The following SNURF variants were observed in gnomAD, a reference collection of about 807,000 sequenced individuals.
The protein encoded by SNURF is SNRPN upstream open reading frame.
In SNURF, 6 loss-of-function variants were observed where a neutral mutation model predicts 11.6. The ratio of observed to expected loss-of-function variants is 0.52; its 90% confidence interval spans 0.28 to 1.02. The LOEUF (loss-of-function observed/expected upper bound fraction) is 1.02, where lower values mean the gene tolerates loss of function less well. Ranked by LOEUF, SNURF falls within the 50% of genes least tolerant of loss-of-function variation. The pLI is 0.09. For missense variants in SNURF, 84 were observed against 88.4 expected (o/e 0.95, Z 0.20); for synonymous variants, 29 against 31.6 (o/e 0.92, Z 0.27).
At chr15:24,978,033 A>T, downstream of SNURF, 1 of 1,221,536 alleles carries the variant, frequency 8.2e-7, no homozygotes, top group Non-Finnish European at 1.2e-6. Flanking sequence ...TCTTCTAGAT[A>T]CTGGTTTTTA....
At chr15:24,967,955 C>T (rs1309187895) in exon 3 of SNURF, 2 of 1,613,896 alleles carry the variant, frequency 1.2e-6, no homozygotes, top group Non-Finnish European at 1.7e-6. Context: ...CCGAGGCGTT[C>T]TCAGCAGCAG....
In SNURF at chr15:24,962,217, C is replaced by T. The variant is rs371808119; in HGVS notation, c.110+8C>T. 6.2e-7 allele frequency: 1 copy of T among 1,610,046 alleles called. No individual in the cohort carries two copies. The highest frequency in any genetic ancestry group is 8.5e-7 in the Non-Finnish European group (1 of 1,176,542). ...CTCACTGAGCAACCAAGAGTGAGTA[C>T]AGACTGTGTTGGGAACAAATGCAAG... On this transcript the variant is annotated splice_region_variant and intron_variant, in intron 2 of 2. Transcript: ENST00000577949.
At chr15:24,957,693 A>G (rs2063156336) in intron 1 of SNURF, among the ~76,000 whole-genome samples, 2 of 152,224 alleles carry the variant, frequency 1.3e-5, no homozygotes, top group Admixed American at 6.5e-5. Flanking sequence ...GTAGTTTTAA[A>G]AATAGCAGGA....
chr15:24,957,052 A>G (rs551232634), intron 1 of SNURF, among the ~76,000 whole-genome samples: 1 of 152,208 alleles, frequency 6.6e-6, no homozygotes, highest in Admixed American at 6.5e-5. Flanking sequence ...ATTGTGCGCT[A>G]ATTCTCTATT....
downstream of SNURF, chr15:24,978,109 ATTTC>A: frequency 7.0e-7 from 1 of 1,428,964 alleles, no homozygotes; most frequent in Non-Finnish European, 9.7e-7. Context: ...TGTCTGGCCC[ATTTC>A]TTTAGGGATT....
downstream of SNURF, among the ~76,000 whole-genome samples, chr15:24,970,337 G>C (rs375478460): frequency 3.3e-5 from 5 of 152,092 alleles, no homozygotes; most frequent in East Asian, 7.7e-4. Context: ...CCTAGCACTT[G>C]GGGAGGCTGA....
downstream of SNURF, chr15:24,978,159 A>G (rs767517222): frequency 3.8e-6 from 6 of 1,599,768 alleles, no homozygotes; most frequent in Middle Eastern, 1.8e-4. Context: ...AAGCCATTTT[A>G]TGAGGCCTTT....
At chr15:24,974,491 G>A in intron 3 of SNURF, 5 of 1,607,888 alleles carry the variant, frequency 3.1e-6, no homozygotes, top group Non-Finnish European at 4.3e-6. Context: ...GTTGAAATGT[G>A]CTGTAAGGGC....
chr15:24,962,014 A>C (rs1341165193), intron 1 of SNURF, 100 bp from the exon 2 acceptor site: 29 of 1,013,578 alleles, frequency 2.9e-5, no homozygotes, highest in Non-Finnish European at 4.2e-5. Flanking sequence ...AGATTTAAAA[A>C]TCCATTATAT....
Position 24,975,308 on chromosome 15 carries a change from A to G in SNURF, c.*46-50A>G, listed in dbSNP as rs753758577. ...GGAGAAGAAACAGGAGAAGATTAGA[A>G]GACTAGGGTGTTGGCAAGCTGAACA... On this transcript the variant is annotated intron_variant and NMD_transcript_variant, in intron 3 of 6. Transcript: ENST00000580062. 4 of 1,509,410 alleles carry G rather than the reference A, an allele frequency of 2.7e-6. No homozygotes were observed. The Admixed American group carries it at 5.2e-5, about 19-fold the overall frequency. 93.5% of individuals were successfully genotyped at this position (1,509,410 alleles called of 1,614,324 possible).
chr15:24,962,436 G>T (rs1192909913), intron 2 of SNURF, among the ~76,000 whole-genome samples: 2 of 152,112 alleles, frequency 1.3e-5, no homozygotes, highest in African/African-American at 2.4e-5. Context: ...ACGTGGGTAA[G>T]TGCATTTTAT....
chr15:24,974,359 A>G, intron 3 of SNURF: 1 of 1,156,920 alleles, frequency 8.6e-7, no homozygotes, highest in Non-Finnish European at 1.3e-6. Flanking sequence ...TGTTTCTAGG[A>G]GAACCTGCGT....
chr15:24,970,243 T>G (rs2076229642), downstream of SNURF, among the ~76,000 whole-genome samples: 1 of 152,046 alleles, frequency 6.6e-6, no homozygotes, highest in African/African-American at 2.4e-5. Flanking sequence ...CCGTTTTCAT[T>G]AAAAATGTAA....
chr15:24,958,214 A>G (rs2063227491), intron 1 of SNURF, among the ~76,000 whole-genome samples: 4 of 152,106 alleles, frequency 2.6e-5, no homozygotes. Flanking sequence ...TTTACAAAAA[A>G]TTTTGTTTAT....
chr15:24,974,405 G>A (rs1426667554), intron 3 of SNURF: 1 of 1,600,896 alleles, frequency 6.2e-7, no homozygotes, highest in Non-Finnish European at 8.6e-7. Flanking sequence ...TAGGTCTTCA[G>A]AAGCATCAAG....
downstream of SNURF, among the ~76,000 whole-genome samples, chr15:24,971,416 G>C (rs772539756): frequency 2.8e-4 from 42 of 152,142 alleles, no homozygotes; most frequent in Non-Finnish European, 5.4e-4. Context: ...GGATGAGAGA[G>C]AACTGTTTCT....
intron 1 of SNURF, among the ~76,000 whole-genome samples, chr15:24,956,830 C>T (rs2063004955): frequency 6.6e-6 from 1 of 152,116 alleles, no homozygotes; most frequent in Non-Finnish European, 1.5e-5. Flanking sequence ...ACCACCTCCG[C>T]CTGTGTGGGA....
chr15:24,976,323 A>G (rs763936171), exon 5 of SNURF: 18 of 1,613,664 alleles, frequency 1.1e-5, no homozygotes, highest in East Asian at 4.5e-5. Flanking sequence ...ATGCGAAGCA[A>G]CCAGAGCGTG....
chr15:24,975,480 C>T (rs745944032), exon 4 of SNURF: 7 of 1,613,976 alleles, frequency 4.3e-6, no homozygotes, highest in Non-Finnish European at 5.9e-6. Flanking sequence ...ATTTGATCCT[C>T]TGTGATTGTG....
Sources: gnomAD v4.1 joint callset for allele counts (sites outside exome capture counted in the v4.1 genomes callset) on GRCh38, gnomAD v4.1.1 for gene constraint, MANE v1.5 for transcripts, NCBI Gene and HGNC (gene_info 2026-07-23, HGNC 2026-07-21) for gene names.